The following PDS5B variants were observed in gnomAD, a reference collection of about 807,000 sequenced individuals.
PDS5B encodes PDS5 cohesin associated factor B.
A neutral mutation model predicts 184.1 loss-of-function variants in PDS5B; 51 were observed. The observed-to-expected ratio is 0.28, with a 90% CI of 0.22 to 0.35. PDS5B has a LOEUF of 0.35. Ranked by LOEUF, PDS5B falls within the 10% of genes least tolerant of loss-of-function variation. The probability of loss-of-function intolerance (pLI) is 1.00; values close to 1 mark genes in which losing one functional copy is unlikely to be tolerated. For missense variants in PDS5B, 1,180 were observed against 1,723.3 expected (o/e 0.68, Z 5.58); for synonymous variants, 566 against 569.2 (o/e 0.99, Z 0.08).
At chr13:32,657,673 G>T (rs1950550255) in intron 3 of PDS5B, among the ~76,000 whole-genome samples, 1 of 152,132 alleles carries the variant, frequency 6.6e-6, no homozygotes, top group African/African-American at 2.4e-5. Flanking sequence ...TACAAATGCA[G>T]ATATAGTAAT....
At chr13:32,755,612 A>G (rs953583571) in intron 25 of PDS5B, among the ~76,000 whole-genome samples, 2 of 152,136 alleles carry the variant, frequency 1.3e-5, no homozygotes, top group Non-Finnish European at 2.9e-5. Flanking sequence ...GGCCATTTCA[A>G]TATTGAACAT....
chr13:32,761,985 T>C (rs976248679), intron 30 of PDS5B, among the ~76,000 whole-genome samples: 4 of 152,212 alleles, frequency 2.6e-5, no homozygotes, highest in African/African-American at 9.6e-5. Flanking sequence ...TTTGACTTTT[T>C]AGTAATAGCC....
chr13:32,624,109 A>T (rs2140545754), intron 1 of PDS5B, among the ~76,000 whole-genome samples: 1 of 152,232 alleles, frequency 6.6e-6, no homozygotes, highest in East Asian at 1.9e-4. Context: ...CAAAATTGAC[A>T]CAAAGGCCCT....
At chr13:32,597,031 A>G (rs1220212769) in intron 1 of PDS5B, among the ~76,000 whole-genome samples, 2 of 151,512 alleles carry the variant, frequency 1.3e-5, no homozygotes, top group African/African-American at 4.9e-5. Context: ...TTGTGCTTTG[A>G]GTTCTTTTTA....
At chr13:32,678,967 T>TG (rs761010428) in intron 10 of PDS5B, 38 bp downstream of exon 10, 6 of 1,100,834 alleles carry the variant, frequency 5.5e-6, no homozygotes, top group Non-Finnish European at 8.3e-6. Context: ...TCTTACGTGC[T>TG]CTTCAGTGGA....
chr13:32,622,879 T>C (rs1023922664), intron 1 of PDS5B, among the ~76,000 whole-genome samples: 1 of 152,226 alleles, frequency 6.6e-6, no homozygotes, highest in African/African-American at 2.4e-5. Flanking sequence ...AAAACCAATA[T>C]GCTGAGGCAA....
chr13:32,688,638 C>CT lies in PDS5B; in HGVS notation c.1469+70dup, dbSNP rs749140835. On this transcript the variant is annotated intron_variant, in intron 13 of 34. Coordinates refer to ENST00000315596, the MANE Select transcript of PDS5B (RefSeq NM_015032.4). ...TATATTGGATTTTATGGAAAAGAAACTACAAACACCTGTATTTTAAAATGT... is the reference window on the plus strand; with the variant it reads ...TATATTGGATTTTATGGAAAAGAAACTTACAAACACCTGTATTTTAAAATGT... The CT allele has an allele frequency of 1.0e-5, 9 of 875,800 alleles. No homozygotes were observed. The African/African-American group carries it at 1.5e-4, about 14-fold the overall frequency. The allele number at this position is 875,800 out of a possible 1,614,324, so 54.3% of individuals were successfully genotyped here.
chr13:32,637,983 T>C (rs1163707098), intron 1 of PDS5B, among the ~76,000 whole-genome samples: 1 of 152,216 alleles, frequency 6.6e-6, no homozygotes, highest in Non-Finnish European at 1.5e-5. Context: ...TCTACTGATC[T>C]GGACCAGGCT....
intron 9 of PDS5B, among the ~76,000 whole-genome samples, chr13:32,678,497 A>T (rs752202201): frequency 1.1e-4 from 16 of 152,152 alleles, no homozygotes; most frequent in Non-Finnish European, 1.3e-4. Context: ...GTTTCTATGA[A>T]CTATATATGC....
intron 23 of PDS5B, among the ~76,000 whole-genome samples, chr13:32,744,356 T>G (rs901445496): frequency 2.6e-5 from 4 of 152,172 alleles, no homozygotes; most frequent in Non-Finnish European, 5.9e-5. Flanking sequence ...AGAGTTGGAA[T>G]AAGAATTTTT....
intron 1 of PDS5B, among the ~76,000 whole-genome samples, chr13:32,647,499 G>A (rs966090039): frequency 6.6e-6 from 1 of 152,022 alleles, no homozygotes; most frequent in African/African-American, 2.4e-5. Flanking sequence ...TTAAACTTTG[G>A]AGCTCAAAGT....
intron 1 of PDS5B, among the ~76,000 whole-genome samples, chr13:32,593,779 A>G (rs1219167086): frequency 6.6e-6 from 1 of 152,146 alleles, no homozygotes; most frequent in South Asian, 2.1e-4. Flanking sequence ...TTCCTGTTGA[A>G]TAGGTTGAGG....
intron 1 of PDS5B, among the ~76,000 whole-genome samples, chr13:32,617,714 C>G (rs2058239616): frequency 6.6e-6 from 1 of 152,098 alleles, no homozygotes; most frequent in Non-Finnish European, 1.5e-5. Context: ...TCAATGTGGT[C>G]CTAATTTGTA....
At chr13:32,611,168 C>T (rs1000354585) in intron 1 of PDS5B, among the ~76,000 whole-genome samples, 5 of 152,168 alleles carry the variant, frequency 3.3e-5, no homozygotes, top group African/African-American at 9.6e-5. Flanking sequence ...GCGTTTTCTG[C>T]ATAGTCATTC....
chr13:32,683,593 T>A (rs954234137), intron 10 of PDS5B, among the ~76,000 whole-genome samples: 1 of 152,144 alleles, frequency 6.6e-6, no homozygotes, highest in African/African-American at 2.4e-5. Context: ...GTGCTGGGAT[T>A]ACAGGCATGA....
chr13:32,697,721 A>G, intron 15 of PDS5B, among the ~76,000 whole-genome samples: 1 of 152,030 alleles, frequency 6.6e-6, no homozygotes, highest in Non-Finnish European at 1.5e-5. Context: ...AATTAATTTG[A>G]TGTTTAGAGG....
Position 32,770,184 on chromosome 13 carries a change from G to A in PDS5B, c.3688G>A (p.Gly1230Ser). ...CGTCACAGAACAGGAGGAGAAATTA[G>A]GTATGGATGACTTGACTAAGTTGGT... is the stretch of plus-strand genomic sequence containing the variant. Reference protein sequence around the residue: ...TPVTEQEEKLGMDDLTKLVQE... With the variant: ...TPVTEQEEKLSMDDLTKLVQE... Residue 1230 changes from glycine (G) to serine (S), a missense_variant, in exon 32 of 35, where the codon GGT becomes AGT. Physicochemically the swap from Gly to Ser is moderately conservative, Grantham distance 56. This residue lies in a region of PDS5B where 465 missense variants were observed against 497.8 expected (regional missense o/e 0.93). Transcript: ENST00000315596. 1 of 1,613,860 alleles carries A rather than the reference G, an allele frequency of 6.2e-7. No individual in the cohort carries two copies. The highest frequency in any genetic ancestry group is 8.5e-7 in the Non-Finnish European group (1 of 1,179,970).
intron 1 of PDS5B, among the ~76,000 whole-genome samples, chr13:32,641,309 A>G (rs1186949618): frequency 1.3e-5 from 2 of 151,828 alleles, no homozygotes; most frequent in Non-Finnish European, 2.9e-5. Flanking sequence ...ACTTAATGAT[A>G]CCCTCTTCTT....
chr13:32,706,051 G>T (rs1244651095), intron 17 of PDS5B, among the ~76,000 whole-genome samples: 1 of 152,058 alleles, frequency 6.6e-6, no homozygotes, highest in East Asian at 1.9e-4. Context: ...GCAAAGGCGG[G>T]CAGATCACTT....
Sources: allele counts gnomAD v4.1 joint callset (sites outside exome capture counted in the v4.1 genomes callset), GRCh38; gene constraint gnomAD v4.1.1; regional missense constraint gnomAD v4.1.1; transcripts MANE v1.5; gene names NCBI Gene and HGNC (gene_info 2026-07-23, HGNC 2026-07-21).